UNC79: variants seen among roughly 807,000 people sequenced by gnomAD.
UNC79 encodes the protein unc-79 subunit of NALCN channel complex.
Under a neutral mutation model 283.1 loss-of-function variants are expected in UNC79, and 37 were observed. The ratio of observed to expected loss-of-function variants is 0.13; its 90% CI spans 0.10 to 0.17. The LOEUF (loss-of-function observed/expected upper bound fraction) is 0.17, where lower values mean the gene tolerates loss of function less well. UNC79 is among the 10% of genes least tolerant of loss of function. The pLI is 1.00. For missense variants in UNC79, 2,272 were observed against 3,211.1 expected, an observed-to-expected ratio of 0.71 and a Z score of 7.07; for synonymous variants, 1,107 against 1,200.2, an observed-to-expected ratio of 0.92 and a Z score of 1.61.
At chr14:93,420,827 GA>G (rs1295268726) in intron 1 of UNC79, among the ~76,000 whole-genome samples, 1 of 151,652 alleles carries the variant, frequency 6.6e-6, no homozygotes, top group African/African-American at 2.4e-5. Flanking sequence ...TACAAACGTG[GA>G]AATTAAGCAA....
At chr14:93,557,884 T>A (rs1319522712) in intron 14 of UNC79, among the ~76,000 whole-genome samples, 1 of 152,156 alleles carries the variant, frequency 6.6e-6, no homozygotes, top group African/African-American at 2.4e-5. Flanking sequence ...CTTAAGAGAA[T>A]CCTTAAGGCT....
chr14:93,403,708 TA>T (rs921926134), intron 1 of UNC79, among the ~76,000 whole-genome samples: 10 of 152,102 alleles, frequency 6.6e-5, no homozygotes, highest in African/African-American at 1.4e-4. Flanking sequence ...AAAAGCGGAT[TA>T]AAAAAATTTT....
intron 14 of UNC79, among the ~76,000 whole-genome samples, chr14:93,566,886 G>A (rs2062926086): frequency 6.6e-6 from 1 of 152,000 alleles, no homozygotes; most frequent in Non-Finnish European, 1.5e-5. Flanking sequence ...CAAAGTGCTG[G>A]GATTACAGGC....
chr14:93,707,014 T>G, downstream of UNC79: 8 of 1,309,644 alleles, frequency 6.1e-6, no homozygotes, highest in African/African-American at 1.5e-5. Context: ...GTACATTCTC[T>G]TTCTAGTTTA....
intron 1 of UNC79, among the ~76,000 whole-genome samples, chr14:93,464,098 G>A (rs767893746): frequency 3.3e-5 from 5 of 152,086 alleles, no homozygotes; most frequent in African/African-American, 4.8e-5. Context: ...GTAGTGAGCC[G>A]AGATCGTGCC....
At chr14:93,439,023 A>G (rs2056197323) in intron 1 of UNC79, among the ~76,000 whole-genome samples, 1 of 152,022 alleles carries the variant, frequency 6.6e-6, no homozygotes, top group Non-Finnish European at 1.5e-5. Context: ...TTTTGAATAC[A>G]TGAAGGCTAT....
intron 43 of UNC79, among the ~76,000 whole-genome samples, chr14:93,687,154 C>A (rs1343503993): frequency 6.6e-6 from 1 of 152,168 alleles, no homozygotes; most frequent in Non-Finnish European, 1.5e-5. Flanking sequence ...AGGGTTTGAT[C>A]AAAAATAATG....
rs866351926 is a variant in UNC79, at chr14:93,474,791, C to T, written c.448+398C>T. Among the ~76,000 whole-genome samples the T allele has an allele frequency of 5.9e-5, 9 of 152,238 alleles. No individual in the cohort carries two copies. The highest frequency in any genetic ancestry group is 3.4e-3 in the Middle Eastern group (1 of 294). Reference sequence around the variant, plus strand: ...GCAGGCTATAATCCACTGACTGATTCGGTAATTTTTGAGGGAGCAAATTCT... The same window carrying T: ...GCAGGCTATAATCCACTGACTGATTTGGTAATTTTTGAGGGAGCAAATTCT... On this transcript the variant is annotated intron_variant, in intron 3 of 48. Coordinates refer to ENST00000555664, the Ensembl canonical transcript of UNC79. This position sits in a 1 kb window ranked among gnomAD's most constrained non-coding sequence, Gnocchi z 4.1.
chr14:93,377,183 A>G (rs920570333), intron 1 of UNC79, among the ~76,000 whole-genome samples: 17 of 141,318 alleles, frequency 1.2e-4, no homozygotes, highest in Non-Finnish European at 2.3e-4. Flanking sequence ...TCCACTTCCC[A>G]GGTTCACGCC....
chr14:93,381,347 A>G (rs2054661324), intron 1 of UNC79, among the ~76,000 whole-genome samples: 1 of 152,134 alleles, frequency 6.6e-6, no homozygotes. Context: ...CTTTTCCCTC[A>G]TTTAAAGGCT....
At chr14:93,450,387 T>C (rs997477477) in intron 1 of UNC79, among the ~76,000 whole-genome samples, 4 of 152,170 alleles carry the variant, frequency 2.6e-5, no homozygotes, top group Non-Finnish European at 5.9e-5. Flanking sequence ...TCTGGGGTTC[T>C]TGGTGATGGC....
intron 1 of UNC79, among the ~76,000 whole-genome samples, chr14:93,461,999 C>CA (rs2056979001): frequency 6.7e-6 from 1 of 148,398 alleles, no homozygotes; most frequent in South Asian, 2.2e-4. Context: ...CACAAAAAAA[C>CA]AAAAACCGGT....
At chr14:93,633,501 C>T (rs570454263) in intron 31 of UNC79, among the ~76,000 whole-genome samples, 25 of 152,284 alleles carry the variant, frequency 1.6e-4, no homozygotes, top group African/African-American at 5.5e-4. Flanking sequence ...CGGTCTCTAC[C>T]ATCCCTTTCT....
chr14:93,485,689 A>G (rs950997746), intron 4 of UNC79, among the ~76,000 whole-genome samples: 6 of 152,166 alleles, frequency 3.9e-5, no homozygotes, highest in African/African-American at 1.4e-4. Flanking sequence ...ATCTTTGTCT[A>G]ATTATTAATA....
rs181255610 is a variant in UNC79, at chr14:93,577,948, G to A, written c.2318G>A (p.Arg773His). The A allele has an allele frequency of 2.0e-4, 327 of 1,614,166 alleles. 2 individuals carry two copies. Among genetic ancestry groups the A allele is most frequent in the African/African-American group, 1.5e-3 (110 of 75,028 alleles). ...CGGAGTCCTTTGCGTAGTCCGTTTC[G>A]TAGCCCTTTCAAGAATTTTGGACAC... The change falls in exon 18 of 49, where the codon CGT (arginine) becomes CAT (histidine). Residue 773 changes from arginine (R) to histidine (H), a missense_variant. Transcript: ENST00000555664.
chr14:93,572,592 C>G (rs1214549794), intron 15 of UNC79, 101 bp from the exon 16 acceptor site: 49 of 1,524,432 alleles, frequency 3.2e-5, no homozygotes, highest in East Asian at 2.3e-4. Context: ...ATCTAAAAGG[C>G]TTGGCTCTCC....
chr14:93,604,368 A>G (rs1390930558), intron 26 of UNC79, among the ~76,000 whole-genome samples: 1 of 152,194 alleles, frequency 6.6e-6, no homozygotes, highest in Admixed American at 6.5e-5. Flanking sequence ...TTTATTCATT[A>G]CATTTTCTCT....
At chr14:93,530,135 C>T (rs144336079) in intron 10 of UNC79, among the ~76,000 whole-genome samples, 48 of 152,198 alleles carry the variant, frequency 3.2e-4, no homozygotes, top group Non-Finnish European at 3.7e-4. Flanking sequence ...GGTGAAACCC[C>T]GTATAAAAAA....
At chr14:93,363,454 G>A (rs1466706678) in intron 1 of UNC79, among the ~76,000 whole-genome samples, 2 of 152,180 alleles carry the variant, frequency 1.3e-5, no homozygotes, top group Non-Finnish European at 2.9e-5. Flanking sequence ...GTTGGGTGGA[G>A]TGTTCTGGGG....
Sources: allele counts gnomAD v4.1 joint callset (sites outside exome capture counted in the v4.1 genomes callset), GRCh38; gene constraint gnomAD v4.1.1; non-coding constraint Gnocchi (gnomAD v3.1); transcripts MANE v1.5; gene names NCBI Gene and HGNC (gene_info 2026-07-23, HGNC 2026-07-21).